ZFAND3: variants seen among roughly 807,000 people sequenced by gnomAD.
ZFAND3 encodes the protein AN1-type zinc finger protein 3.
Under a neutral mutation model 29.6 loss-of-function variants are expected in ZFAND3, and 10 were observed. The observed-to-expected ratio is 0.34, with a 90% confidence interval of 0.21 to 0.57. ZFAND3 has a LOEUF of 0.57. Among genes scored for constraint, ZFAND3 ranks in the 20% least tolerant of loss-of-function variants. ZFAND3 has a pLI of 0.86. For synonymous variants in ZFAND3, 128 were observed against 112.6 expected, an observed-to-expected ratio of 1.14 and a Z score of -0.87; for missense variants, 230 against 304.5, an observed-to-expected ratio of 0.76 and a Z score of 1.82.
chr6:37,998,809 G>A (rs1241159890), intron 2 of ZFAND3, among the ~76,000 whole-genome samples: 1 of 152,156 alleles, frequency 6.6e-6, no homozygotes, highest in African/African-American at 2.4e-5. Flanking sequence ...GGTCCATGTG[G>A]TAATGAATTA....
intron 5 of ZFAND3, among the ~76,000 whole-genome samples, chr6:38,144,211 A>ATTATATATATATATATATATATAT (rs70981524): frequency 2.2e-5 from 1 of 45,880 alleles, no homozygotes; most frequent in Non-Finnish European, 3.9e-5. Flanking sequence ...ATATATATAT[A>ATTATATATATATATATATATATAT]ATATATAATA....
chr6:38,065,170 G>A (rs1339567407), intron 3 of ZFAND3, among the ~76,000 whole-genome samples: 1 of 152,068 alleles, frequency 6.6e-6, no homozygotes, highest in East Asian at 1.9e-4. Flanking sequence ...ACAAAAATTA[G>A]CCGAGCATGG....
chr6:37,892,283 A>G (rs968155925), intron 1 of ZFAND3, among the ~76,000 whole-genome samples: 1 of 152,246 alleles, frequency 6.6e-6, no homozygotes, highest in African/African-American at 2.4e-5. Flanking sequence ...TCAAATGAAG[A>G]CATAGCATGT....
chr6:38,056,418 G>A (rs972727784), intron 2 of ZFAND3, among the ~76,000 whole-genome samples: 5 of 152,208 alleles, frequency 3.3e-5, no homozygotes, highest in Non-Finnish European at 5.9e-5. Flanking sequence ...CATTCTGAAA[G>A]ACGTATTATT....
chr6:37,996,550 CT>C (rs763878056), intron 2 of ZFAND3, among the ~76,000 whole-genome samples: 7 of 152,096 alleles, frequency 4.6e-5, no homozygotes, highest in East Asian at 1.9e-4. Context: ...CCTTAACCCC[CT>C]AATAGGTTTT....
chr6:38,040,335 C>T (rs1008692218), intron 2 of ZFAND3, among the ~76,000 whole-genome samples: 1 of 152,092 alleles, frequency 6.6e-6, no homozygotes, highest in Non-Finnish European at 1.5e-5. Context: ...CTATACAGCT[C>T]AGTATTTTTC....
At chr6:38,032,281 T>C (rs925896526) in intron 2 of ZFAND3, among the ~76,000 whole-genome samples, 5 of 152,230 alleles carry the variant, frequency 3.3e-5, no homozygotes, top group African/African-American at 1.2e-4. Flanking sequence ...AAAATGTTCT[T>C]AATGGTATAA....
intron 1 of ZFAND3, among the ~76,000 whole-genome samples, chr6:37,854,020 T>A (rs192966650): frequency 6.6e-6 from 1 of 152,148 alleles, no homozygotes; most frequent in East Asian, 1.9e-4. Context: ...GGTGCTATCT[T>A]GGCTCATTGC....
At chr6:38,137,771 A>T (rs548369221) in intron 5 of ZFAND3, among the ~76,000 whole-genome samples, 17 of 152,154 alleles carry the variant, frequency 1.1e-4, no homozygotes, top group Non-Finnish European at 2.2e-4. Context: ...AGCCATTCAG[A>T]GAGTTGGGAG....
chr6:38,095,673 A>G (rs1277726093), intron 4 of ZFAND3, among the ~76,000 whole-genome samples: 2 of 152,176 alleles, frequency 1.3e-5, no homozygotes, highest in East Asian at 1.9e-4. Flanking sequence ...GAGTTCCTGC[A>G]TATCTGAAAA....
intron 1 of ZFAND3, among the ~76,000 whole-genome samples, chr6:37,876,024 CT>C (rs1008314818): frequency 5.9e-5 from 9 of 151,814 alleles, no homozygotes; most frequent in African/African-American, 1.9e-4. Context: ...CCTAAAATCA[CT>C]TTTTTTTCTA....
intron 1 of ZFAND3, among the ~76,000 whole-genome samples, chr6:37,865,705 G>A (rs746456390): frequency 3.3e-5 from 5 of 152,204 alleles, no homozygotes; most frequent in Non-Finnish European, 7.3e-5. Context: ...CTCAGGACAC[G>A]AAGGACAGTT....
At chr6:38,124,455 G>A (rs1048180509) in intron 5 of ZFAND3, among the ~76,000 whole-genome samples, 3 of 152,226 alleles carry the variant, frequency 2.0e-5, no homozygotes, top group Non-Finnish European at 2.9e-5. Context: ...CAGGCATGGC[G>A]GGCTGCAGGT....
At chr6:37,843,605 T>C (rs1202584318) in intron 1 of ZFAND3, among the ~76,000 whole-genome samples, 1 of 152,236 alleles carries the variant, frequency 6.6e-6, no homozygotes, top group African/African-American at 2.4e-5. Flanking sequence ...AATTTTGTTT[T>C]GAGAACTATG....
chr6:37,919,834 T>C (rs1317882575), intron 1 of ZFAND3, among the ~76,000 whole-genome samples: 1 of 152,204 alleles, frequency 6.6e-6, no homozygotes, highest in African/African-American at 2.4e-5. Context: ...CATGACAAAG[T>C]ATCCAATATT....
chr6:38,092,048 G>A (rs985689000), intron 4 of ZFAND3, among the ~76,000 whole-genome samples: 3 of 152,090 alleles, frequency 2.0e-5, no homozygotes, highest in Non-Finnish European at 4.4e-5. Flanking sequence ...TGCCTCTCCC[G>A]CCAGCAGGTG....
chr6:38,079,399 ATATGCTAGGAAGCCTTAAAGTT>A (rs1202994305), intron 3 of ZFAND3, among the ~76,000 whole-genome samples: 1 of 152,184 alleles, frequency 6.6e-6, no homozygotes, highest in Non-Finnish European at 1.5e-5. Flanking sequence ...GCATGTTGAG[ATATGCTAGGAAGCCTTAAAGTT>A]TATTTGCAGA....
chr6:38,087,935 T>G (rs149160049), intron 4 of ZFAND3, among the ~76,000 whole-genome samples: 2 of 152,348 alleles, frequency 1.3e-5, no homozygotes, highest in East Asian at 3.9e-4. Context: ...CAGCATGAAA[T>G]GTTTCCTTGC....
At chr6:38,027,577 G>A (rs1389834514) in intron 2 of ZFAND3, among the ~76,000 whole-genome samples, 1 of 152,190 alleles carries the variant, frequency 6.6e-6, no homozygotes, top group Admixed American at 6.5e-5. Context: ...AAACCCAGTG[G>A]TATATGTGTG....
Sources: allele counts gnomAD v4.1 joint callset (sites outside exome capture counted in the v4.1 genomes callset), GRCh38; gene constraint gnomAD v4.1.1; transcripts MANE v1.5; gene names NCBI Gene and HGNC (gene_info 2026-07-23, HGNC 2026-07-21).